The following NUP85 variants were observed in gnomAD, a reference collection of about 807,000 sequenced individuals.
The protein encoded by NUP85 is nucleoporin 85.
NUP85 carries 23 observed loss-of-function variants against 92.8 expected under a neutral mutation model. The ratio of observed to expected loss-of-function variants is 0.25; its 90% CI spans 0.18 to 0.35. The LOEUF is 0.35. Ranked by LOEUF, NUP85 falls within the 10% of genes least tolerant of loss-of-function variation. The pLI, the probability that NUP85 is intolerant of heterozygous loss-of-function variation, is 1.00. For synonymous variants in NUP85, 314 were observed against 306.9 expected (o/e 1.02, Z -0.24); for missense variants, 759 against 822.8 (o/e 0.92, Z 0.95).
intron 3 of NUP85, 39 bp from the exon 4 acceptor site, chr17:75,211,953 G>C: frequency 6.6e-7 from 1 of 1,512,706 alleles, no homozygotes; most frequent in Non-Finnish European, 9.1e-7. Context: ...ACTACAAGAT[G>C]TTCCAGGCTC....
Position 75,209,832 on chromosome 17 carries a change from A to C in NUP85, c.137A>C (p.Glu46Ala), listed in dbSNP as rs773028197. 3.2e-6 allele frequency: 5 copies of C among 1,577,318 alleles called. No homozygotes were observed. The South Asian group carries it at 5.9e-5, about 19-fold the overall frequency. ...TTCTGTTTGGTTTCAGAAAAATCAG[A>C]GATGGTGCCAAGTTGCCCCTTTATC... ...ETSFNKKEKS[E>A]MVPSCPFIYI... The change falls in exon 3 of 19, where the codon GAG (glutamate) becomes GCG (alanine). Residue 46 changes from glutamate (E) to alanine (A), a missense_variant. Coordinates refer to ENST00000245544, the MANE Select transcript of NUP85 (RefSeq NM_024844.5).
Position 75,235,747 on chromosome 17 carries a change from T to C in NUP85, c.*68T>C. On this transcript the variant is annotated 3_prime_UTR_variant, in exon 19 of 19. Transcript: ENST00000245544. Reference sequence around the variant, plus strand: ...ATTTTTTTAAAAGAATAAATGTTGTTTTGCAAATGTAGGTTCTTAGAGTCC... The same window carrying C: ...ATTTTTTTAAAAGAATAAATGTTGTCTTGCAAATGTAGGTTCTTAGAGTCC... 8.1e-7 allele frequency: 1 copy of C among 1,240,022 alleles called. No individual in the cohort carries two copies. The highest frequency in any genetic ancestry group is 1.5e-5 in the African/African-American group (1 of 66,828). The allele number at this position is 1,240,022 out of a possible 1,614,324, so 76.8% of individuals were successfully genotyped here. A position where few individuals can be genotyped will look rare whatever the true frequency, so the allele number is the denominator to read the frequency against.
At chr17:75,212,486 T>G (rs1197419764) in intron 4 of NUP85, among the ~76,000 whole-genome samples, 4 of 144,068 alleles carry the variant, frequency 2.8e-5, no homozygotes, top group Non-Finnish European at 4.5e-5. Flanking sequence ...TTTTTTTTTT[T>G]TTTTTTTTTT....
chr17:75,218,072 G>A (rs2075484874), intron 6 of NUP85, 113 bp from the exon 7 acceptor site: 2 of 1,411,456 alleles, frequency 1.4e-6, no homozygotes, highest in Admixed American at 3.7e-5. Flanking sequence ...GCTTAAAAGG[G>A]ATAAACCTAT....
Position 75,225,480 on chromosome 17 carries a change from C to G in NUP85, c.855+16C>G. ...TCTCTTGAAGGTCTGGGAAGCAGTT[C>G]AGATTGCATCCATGTTGGCTTCCTA... On this transcript the variant is annotated intron_variant, in intron 9 of 18. Transcript: ENST00000245544. The G allele has an allele frequency of 6.2e-7, 1 of 1,611,504 alleles. No individual in the cohort carries two copies.
chr17:75,235,649 T>C lies in NUP85; in HGVS notation c.1941T>C (p.Ile647=), dbSNP rs759129265. The change falls in exon 19 of 19, where the codon ATT becomes ATC. Residue 647 remains isoleucine, a synonymous_variant. Transcript: ENST00000245544. ...LSLARNLARA[I]IREGSLEGS is the part of the protein sequence containing the mutation. ...TGGCACGAAATCTTGCTCGGGCAAT[T>C]ATAAGAGAAGGCTCACTGGAAGGTT... 6.2e-7 allele frequency: 1 copy of C among 1,614,030 alleles called. No individual in the cohort carries two copies. The highest frequency in any genetic ancestry group is 8.5e-7 in the Non-Finnish European group (1 of 1,179,874).
chr17:75,210,569 C>A (rs1224211469), intron 3 of NUP85, among the ~76,000 whole-genome samples: 1 of 152,154 alleles, frequency 6.6e-6, no homozygotes, highest in African/African-American at 2.4e-5. Flanking sequence ...TTGTCAGCGT[C>A]CCTTCACATG....
At position 75,205,680 on chromosome 17, in the gene NUP85, T is replaced by C. The variant is rs1316079445; in HGVS notation, c.-82T>C. ...CAGGAGACGCCCAGGCGGAGTCTTG[T>C]CTCGCAGCCAGCTCTGAGCGGGAGG... On this transcript the variant is annotated 5_prime_UTR_variant, in exon 1 of 19. Transcript: ENST00000245544. The C allele has an allele frequency of 3.2e-6, 5 of 1,562,878 alleles. No homozygotes were observed. The highest frequency in any genetic ancestry group is 1.1e-5 in the South Asian group (1 of 89,938).
intron 11 of NUP85, among the ~76,000 whole-genome samples, chr17:75,230,811 T>C (rs1331412271): frequency 6.6e-6 from 1 of 152,150 alleles, no homozygotes; most frequent in Non-Finnish European, 1.5e-5. Flanking sequence ...TCTCAGCTAC[T>C]GAAGAGGCTG....
At chr17:75,206,476 C>T (rs925728970) in intron 1 of NUP85, among the ~76,000 whole-genome samples, 6 of 151,872 alleles carry the variant, frequency 4.0e-5, no homozygotes, top group Non-Finnish European at 8.8e-5. Context: ...GATCTGAGAC[C>T]TGTGCTTTTT....
chr17:75,225,053 G>A (rs1158502905), intron 7 of NUP85, 50 bp from the exon 8 acceptor site: 16 of 1,504,700 alleles, frequency 1.1e-5, no homozygotes, highest in Non-Finnish European at 1.2e-5. Flanking sequence ...CTCACGCCTC[G>A]GCAGGGCCAG....
At chr17:75,234,884 C>T (rs762460843) in intron 17 of NUP85, 96 bp downstream of exon 17, 19 of 1,475,056 alleles carry the variant, frequency 1.3e-5, no homozygotes, top group Middle Eastern at 1.7e-4. Flanking sequence ...CCTCCTTTGT[C>T]GTTCTGCCTG....
chr17:75,207,015 G>C (rs2075105457), intron 1 of NUP85, among the ~76,000 whole-genome samples: 1 of 151,752 alleles, frequency 6.6e-6, no homozygotes, highest in South Asian at 2.1e-4. Flanking sequence ...CCGATTTCTG[G>C]TCTTTTACTT....
In NUP85 at chr17:75,231,692, G is replaced by A; in HGVS notation, c.1244+54G>A. 6.2e-7 allele frequency: 1 copy of A among 1,606,974 alleles called. No homozygotes were observed. ...TGCGGGTGCTCTTCAGCATGCGGGT[G>A]CCATTGGAGCTTGGACTGTTCTCTC... is the stretch of plus-strand genomic sequence containing the variant. On this transcript the variant is annotated intron_variant, in intron 13 of 18. Transcript: ENST00000245544. The surrounding 1 kb of genome is among the most constrained non-coding windows in gnomAD (Gnocchi z 4.6).
At chr17:75,216,668 G>A (rs1312432331) in intron 6 of NUP85, among the ~76,000 whole-genome samples, 1 of 152,118 alleles carries the variant, frequency 6.6e-6, no homozygotes, top group Non-Finnish European at 1.5e-5. Context: ...AAGGATTTAT[G>A]TTTGCTATTT....
chr17:75,232,730 G>C (rs1314618500), intron 14 of NUP85, 121 bp from the exon 15 acceptor site: 1 of 834,688 alleles, frequency 1.2e-6, no homozygotes, highest in Non-Finnish European at 2.1e-6. Context: ...GCTGCATTTA[G>C]AGCCCAAAGA....
intron 4 of NUP85, among the ~76,000 whole-genome samples, chr17:75,212,294 A>T (rs1268516062): frequency 1.1e-5 from 1 of 91,232 alleles, no homozygotes; most frequent in African/African-American, 5.2e-5. Context: ...TTTGAGACCG[A>T]GTGTTGCTCT....
Position 75,212,079 on chromosome 17 carries a change from C to CGT in NUP85, c.361+19_361+20dup, listed in dbSNP as rs779233434. On this transcript the variant is annotated intron_variant, in intron 4 of 18. Transcript: ENST00000245544. ...AGGTTGCAAGTAAGGACTGTGTGCGCGTGCGCGCGTGTGTGTGTGTGTGTG... is the reference window on the plus strand; with the variant it reads ...AGGTTGCAAGTAAGGACTGTGTGCGCGTGTGCGCGCGTGTGTGTGTGTGTGTG... 51 of 1,470,174 alleles carry CGT rather than the reference C, an allele frequency of 3.5e-5. No homozygotes were observed. The highest frequency in any genetic ancestry group is 2.2e-4 in the South Asian group (19 of 85,900). 91.1% of individuals were successfully genotyped at this position (1,470,174 alleles called of 1,614,324 possible).
intron 18 of NUP85, 59 bp from the exon 19 acceptor site, chr17:75,235,519 G>A (rs768953410): frequency 2.0e-5 from 25 of 1,222,928 alleles, no homozygotes; most frequent in Middle Eastern, 1.9e-4. Context: ...TAGACCCTTC[G>A]GGAGTGTGAA....
Sources: allele counts gnomAD v4.1 joint callset (sites outside exome capture counted in the v4.1 genomes callset), GRCh38; gene constraint gnomAD v4.1.1; non-coding constraint Gnocchi (gnomAD v3.1); transcripts MANE v1.5; gene names NCBI Gene and HGNC (gene_info 2026-07-23, HGNC 2026-07-21).